Variants in TSHZ2 observed in about 807,000 individuals in gnomAD.
TSHZ2 encodes teashirt zinc finger homeobox 2, also known as teashirt homolog 2.
TSHZ2 carries 21 observed loss-of-function variants against 74.4 expected under a neutral mutation model. That is an observed-to-expected ratio of 0.28 (90% CI 0.20 to 0.41). The LOEUF is 0.41. Among genes scored for constraint, TSHZ2 ranks in the 10% least tolerant of loss-of-function variants. The pLI is 1.00. For synonymous variants in TSHZ2, 540 were observed against 515.3 expected (o/e 1.05, Z -0.65); for missense variants, 1,244 against 1,293.5 (o/e 0.96, Z 0.59).
At chr20:53,431,039 G>T (rs1983830044) in intron 2 of TSHZ2, among the ~76,000 whole-genome samples, 1 of 152,106 alleles carries the variant, frequency 6.6e-6, no homozygotes, top group African/African-American at 2.4e-5. Flanking sequence ...GAGCCACTGT[G>T]CCAGGCCTGA....
At chr20:53,190,122 TATATATATA>T (rs1269455054) in intron 1 of TSHZ2, among the ~76,000 whole-genome samples, 14 of 94,676 alleles carry the variant, frequency 1.5e-4, no homozygotes, top group African/African-American at 5.7e-4. Flanking sequence ...TATATATATA[TATATATATA>T]TATATATTTT....
At chr20:53,363,395 T>G (rs746002308) in intron 2 of TSHZ2, among the ~76,000 whole-genome samples, 1 of 152,206 alleles carries the variant, frequency 6.6e-6, no homozygotes, top group Non-Finnish European at 1.5e-5. Flanking sequence ...AAGCCAGTGC[T>G]CCAGACACCG....
chr20:53,227,499 CAG>C (rs1224306503), intron 1 of TSHZ2, among the ~76,000 whole-genome samples: 4 of 139,660 alleles, frequency 2.9e-5, no homozygotes, highest in African/African-American at 8.1e-5. Flanking sequence ...CACACACACA[CAG>C]AGTAATACCT....
intron 2 of TSHZ2, among the ~76,000 whole-genome samples, chr20:53,485,885 TACAC>T (rs1600675315): frequency 1.3e-5 from 2 of 152,178 alleles, no homozygotes; most frequent in African/African-American, 2.4e-5. Flanking sequence ...TGCAGTAAAA[TACAC>T]ACAACATAAA....
intron 2 of TSHZ2, among the ~76,000 whole-genome samples, chr20:53,293,014 G>A (rs200636): frequency 0.075 from 11,375 of 152,260 alleles, 612 homozygotes; most frequent in East Asian, 0.23. Context: ...GTTTAATTAG[G>A]TGGGTAGGGA....
In TSHZ2 at chr20:53,459,380, C is replaced by A. The variant is rs909694010; in HGVS notation, c.*9-27764C>A. Among the ~76,000 whole-genome samples the A allele has an allele frequency of 8.5e-4, 129 of 151,936 alleles. 1 individual carries two copies. Among genetic ancestry groups the A allele is most frequent in the African/African-American group, 3.0e-3 (123 of 41,330 alleles). ...TTTTATCAGAGACCAGGATTGCAACCCCTGCCTTTTTTTGTTTTCCATTTG... is the reference window on the plus strand; with the variant it reads ...TTTTATCAGAGACCAGGATTGCAACACCTGCCTTTTTTTGTTTTCCATTTG... On this transcript the variant is annotated intron_variant, in intron 2 of 2. Transcript: ENST00000371497.
chr20:53,346,456 C>G (rs543632813), intron 2 of TSHZ2, among the ~76,000 whole-genome samples: 30 of 152,312 alleles, frequency 2.0e-4, no homozygotes, highest in African/African-American at 7.2e-4. Flanking sequence ...GTCTGACCTA[C>G]TGATGGAATT....
At chr20:53,167,291 G>A (rs1988085372) in intron 1 of TSHZ2, among the ~76,000 whole-genome samples, 1 of 152,212 alleles carries the variant, frequency 6.6e-6, no homozygotes, top group African/African-American at 2.4e-5. Flanking sequence ...ACTGTAACCA[G>A]ACACTAAATT....
intron 2 of TSHZ2, among the ~76,000 whole-genome samples, chr20:53,382,520 C>G (rs1324975341): frequency 6.6e-6 from 1 of 152,164 alleles, no homozygotes; most frequent in Non-Finnish European, 1.5e-5. Context: ...CAATGCAACA[C>G]AGAGTGAAAA....
chr20:53,376,068 G>GA (rs1405297336), intron 2 of TSHZ2, among the ~76,000 whole-genome samples: 1 of 152,210 alleles, frequency 6.6e-6, no homozygotes, highest in Non-Finnish European at 1.5e-5. Context: ...AGTCAGGGAA[G>GA]ACCACCCTAA....
chr20:53,331,575 G>A (rs527296626), intron 2 of TSHZ2, among the ~76,000 whole-genome samples: 93 of 152,264 alleles, frequency 6.1e-4, no homozygotes, highest in Admixed American at 7.8e-4. Context: ...AGAGCCAGGC[G>A]TAGAGAATGG....
chr20:53,025,349 C>G (rs989791302), intron 1 of TSHZ2, among the ~76,000 whole-genome samples: 3 of 151,992 alleles, frequency 2.0e-5, no homozygotes, highest in Admixed American at 1.3e-4. Context: ...ATCTGGTTGT[C>G]AATTATTATT....
intron 1 of TSHZ2, among the ~76,000 whole-genome samples, chr20:53,134,565 CTG>C (rs140900363): frequency 0.012 from 1,842 of 152,246 alleles, 37 homozygotes; most frequent in African/African-American, 0.042. Context: ...TTTGACTTGT[CTG>C]TGTCTTCCGA....
intron 2 of TSHZ2, among the ~76,000 whole-genome samples, chr20:53,302,334 C>G (rs16997900): frequency 0.052 from 7,902 of 152,178 alleles, 696 homozygotes; most frequent in African/African-American, 0.18. Flanking sequence ...CCATGAAATT[C>G]TCTATGATAA....
intron 1 of TSHZ2, among the ~76,000 whole-genome samples, chr20:53,002,364 A>C (rs1982473621): frequency 6.6e-6 from 1 of 152,216 alleles, no homozygotes; most frequent in Non-Finnish European, 1.5e-5. Flanking sequence ...AGCGTCCATC[A>C]GCCAATCACA....
intron 1 of TSHZ2, among the ~76,000 whole-genome samples, chr20:53,011,672 TAATTA>T (rs1982855968): frequency 6.6e-6 from 1 of 152,176 alleles, no homozygotes; most frequent in Non-Finnish European, 1.5e-5. Context: ...GTTTCATGGT[TAATTA>T]AATAAACAGA....
chr20:53,152,414 C>T (rs888339691), intron 1 of TSHZ2, among the ~76,000 whole-genome samples: 1 of 152,112 alleles, frequency 6.6e-6, no homozygotes, highest in Non-Finnish European at 1.5e-5. Flanking sequence ...TCAGCCTAAC[C>T]CTGACCTTTA....
rs543778891 is a variant in TSHZ2, at chr20:53,333,288, G to C, written c.*8+76717G>C. On this transcript the variant is annotated intron_variant, in intron 2 of 2. Transcript: ENST00000371497. ...AAGAAGTAGGGACAAGTTGGTTAGA[G>C]AGAGCATTGAGTTATAAAAGAGGCT... Among the ~76,000 whole-genome samples the C allele has an allele frequency of 2.6e-5, 4 of 152,306 alleles. No individual in the cohort carries two copies. The East Asian group carries it at 7.7e-4, about 29-fold the overall frequency.
At chr20:53,417,940 A>T (rs1324084677) in intron 2 of TSHZ2, among the ~76,000 whole-genome samples, 2 of 152,208 alleles carry the variant, frequency 1.3e-5, no homozygotes, top group Non-Finnish European at 2.9e-5. Flanking sequence ...GCAAGGAACA[A>T]GAGTGAGCAG....
Sources: allele counts gnomAD v4.1 joint callset (sites outside exome capture counted in the v4.1 genomes callset), GRCh38; gene constraint gnomAD v4.1.1; transcripts MANE v1.5; gene names NCBI Gene and HGNC (gene_info 2026-07-23, HGNC 2026-07-21).